LARP1B: variants seen among roughly 807,000 people sequenced by gnomAD.
LARP1B encodes La ribonucleoprotein 1B, also known as la-related protein 1B.
In LARP1B, 76 loss-of-function variants were observed where a neutral mutation model predicts 114.2. The observed-to-expected ratio is 0.67, with a 90% CI of 0.55 to 0.81. The LOEUF (loss-of-function observed/expected upper bound fraction) is 0.81. Among genes scored for constraint, LARP1B ranks in the 30% least tolerant of loss-of-function variants. The probability of loss-of-function intolerance (pLI) is 0.00; values close to 1 mark genes in which losing one functional copy is unlikely to be tolerated. For synonymous variants in LARP1B, 345 were observed against 348.0 expected (o/e 0.99, Z 0.10); for missense variants, 1,014 against 1,075.8 (o/e 0.94, Z 0.80).
chr4:128,098,236 G>A lies in LARP1B; in HGVS notation c.719G>A (p.Gly240Glu). The A allele has an allele frequency of 6.2e-7, 1 of 1,613,528 alleles. No individual in the cohort carries two copies. Among genetic ancestry groups the A allele is most frequent in the Non-Finnish European group, 8.5e-7 (1 of 1,179,530 alleles). Residue 240 changes from glycine (G) to glutamate (E), a missense_variant, in exon 8 of 20, where the codon GGA (glycine) becomes GAA (glutamate). Transcript: ENST00000326639. ...ENLERDFFLR[G>E]KMDEQGFLPI... is the part of the protein sequence containing the mutation. ...TTGGAACGAGACTTCTTTCTTCGGG[G>A]AAAGATGGATGAACAAGGTTTCTTG...
intron 11 of LARP1B, among the ~76,000 whole-genome samples, chr4:128,127,645 C>G (rs1790084853): frequency 6.6e-6 from 1 of 152,100 alleles, no homozygotes; most frequent in Admixed American, 6.6e-5. Flanking sequence ...ACCAGCCTGA[C>G]CAACATGGTG....
intron 8 of LARP1B, among the ~76,000 whole-genome samples, chr4:128,099,016 T>G: frequency 6.6e-6 from 1 of 150,870 alleles, no homozygotes; most frequent in East Asian, 2.0e-4. Flanking sequence ...GACCTTGTGA[T>G]CCGCCCACCT....
At chr4:128,220,554 C>T (rs982270552) in intron 7 of LARP1B, 2 of 156,322 alleles carry the variant, frequency 1.3e-5, no homozygotes, top group African/African-American at 2.4e-5. Context: ...CAACTCGTTA[C>T]GTGGTTAGGC....
At chr4:128,167,490 G>A (rs1741632580) in intron 12 of LARP1B, among the ~76,000 whole-genome samples, 1 of 151,944 alleles carries the variant, frequency 6.6e-6, no homozygotes, top group Non-Finnish European at 1.5e-5. Context: ...TGTGTGGTTT[G>A]CAAATGTTTT....
intron 1 of LARP1B, among the ~76,000 whole-genome samples, chr4:128,068,580 T>C (rs994407077): frequency 6.6e-6 from 1 of 152,072 alleles, no homozygotes; most frequent in Admixed American, 6.6e-5. Context: ...TCAAGCTATT[T>C]TTATTTTTTT....
intron 12 of LARP1B, among the ~76,000 whole-genome samples, chr4:128,176,255 A>T (rs978726213): frequency 8.6e-4 from 115 of 134,070 alleles, no homozygotes; most frequent in African/African-American, 3.0e-3. Context: ...ATATACATTT[A>T]TATATATACA....
intron 1 of LARP1B, among the ~76,000 whole-genome samples, chr4:128,069,827 G>A (rs1001161904): frequency 4.0e-5 from 6 of 150,690 alleles, no homozygotes; most frequent in East Asian, 1.9e-4. Context: ...TATTTTTCTC[G>A]AACCCTATGT....
chr4:128,192,601 A>G (rs1396619618), intron 15 of LARP1B, among the ~76,000 whole-genome samples: 2 of 152,204 alleles, frequency 1.3e-5, no homozygotes, highest in Non-Finnish European at 2.9e-5. Context: ...GAAGAACAGA[A>G]TGGTTGTATG....
chr4:128,194,029 G>A (rs1753165209), intron 15 of LARP1B, among the ~76,000 whole-genome samples: 1 of 152,172 alleles, frequency 6.6e-6, no homozygotes, highest in Non-Finnish European at 1.5e-5. Flanking sequence ...CATCAAAGAA[G>A]TATTCATTTC....
chr4:128,069,538 G>A, intron 1 of LARP1B: 1 of 744,248 alleles, frequency 1.3e-6, no homozygotes. Context: ...GAGAGCTGGT[G>A]GTACTGCCAG....
intron 15 of LARP1B, among the ~76,000 whole-genome samples, chr4:128,181,180 CTTT>C (rs70966086): frequency 1.5e-5 from 2 of 130,016 alleles, no homozygotes; most frequent in Admixed American, 7.9e-5. Context: ...CTCATCCATT[CTTT>C]TTTTTTTTTT....
chr4:128,090,271 G>A (rs544611781), intron 5 of LARP1B, among the ~76,000 whole-genome samples: 21 of 151,958 alleles, frequency 1.4e-4, no homozygotes, highest in Non-Finnish European at 2.9e-4. Flanking sequence ...CGGTATTTCA[G>A]TATGTCAGCC....
chr4:128,124,756 T>C (rs980444004), intron 11 of LARP1B, among the ~76,000 whole-genome samples: 22 of 152,146 alleles, frequency 1.4e-4, no homozygotes, highest in African/African-American at 5.1e-4. Flanking sequence ...AGAGGAAATA[T>C]AGAAGTGAGA....
At chr4:128,155,609 G>A in intron 11 of LARP1B, 2 of 1,110,056 alleles carry the variant, frequency 1.8e-6, no homozygotes, top group Non-Finnish European at 2.8e-6. Flanking sequence ...CCTTAGTCCA[G>A]CCCCCTACAA....
intron 8 of LARP1B, among the ~76,000 whole-genome samples, chr4:128,106,718 A>G (rs186345638): frequency 8.2e-4 from 125 of 152,098 alleles, no homozygotes; most frequent in African/African-American, 2.8e-3. Context: ...TTTATGAGGT[A>G]TTGTGAGGAA....
At chr4:128,135,973 T>TA (rs113610375) in intron 11 of LARP1B, among the ~76,000 whole-genome samples, 20 of 148,780 alleles carry the variant, frequency 1.3e-4, no homozygotes, top group African/African-American at 2.2e-4. Flanking sequence ...CATACCAAAT[T>TA]AAAAAAAAAA....
intron 7 of LARP1B, chr4:128,092,964 G>A (rs1776412401): frequency 1.0e-6 from 1 of 985,248 alleles, no homozygotes; most frequent in Non-Finnish European, 1.2e-6. Flanking sequence ...ACAAGTGAGG[G>A]AGGAGCAGAG....
chr4:128,107,369 T>G (rs1301618433), intron 9 of LARP1B, 56 bp downstream of exon 9: 1 of 1,582,560 alleles, frequency 6.3e-7, no homozygotes, highest in Non-Finnish European at 8.6e-7. Flanking sequence ...TGGTCCAATT[T>G]ACTTACTTAT....
chr4:128,145,160 C>A (rs1729783463), intron 11 of LARP1B, among the ~76,000 whole-genome samples: 1 of 152,110 alleles, frequency 6.6e-6, no homozygotes, highest in Non-Finnish European at 1.5e-5. Context: ...TAGGTTAGAT[C>A]TGTGGAAAGC....
Sources: allele counts gnomAD v4.1 joint callset (sites outside exome capture counted in the v4.1 genomes callset), GRCh38; gene constraint gnomAD v4.1.1; transcripts MANE v1.5; gene names NCBI Gene and HGNC (gene_info 2026-07-23, HGNC 2026-07-21).